Variants in FGF14 observed in about 807,000 individuals in gnomAD.
FGF14 encodes fibroblast growth factor 14, also known as fibroblast growth factor homologous factor 4.
In FGF14, 5 loss-of-function variants were observed where a neutral mutation model predicts 25.5. The observed-to-expected ratio is 0.20, with a 90% CI of 0.10 to 0.41. The LOEUF is 0.41. Ranked by LOEUF, FGF14 falls within the 10% of genes least tolerant of loss-of-function variation. FGF14 has a pLI of 1.00. For missense variants in FGF14, 222 were observed against 320.1 expected (o/e 0.69, Z 2.34); for synonymous variants, 138 against 118.3 (o/e 1.17, Z -1.08).
intron 1 of FGF14, among the ~76,000 whole-genome samples, chr13:102,248,326 G>A (rs1175221715): frequency 6.6e-6 from 1 of 152,062 alleles, no homozygotes; most frequent in Non-Finnish European, 1.5e-5. Flanking sequence ...AGAAAATATT[G>A]TCCCTTTCTT....
At chr13:102,304,246 G>T (rs2055243381) in intron 1 of FGF14, among the ~76,000 whole-genome samples, 1 of 151,980 alleles carries the variant, frequency 6.6e-6, no homozygotes, top group Non-Finnish European at 1.5e-5. Flanking sequence ...CGAACTTCTT[G>T]CTTAAAGGAA....
intron 1 of FGF14, among the ~76,000 whole-genome samples, chr13:102,338,720 AAAT>A (rs1210348541): frequency 6.6e-6 from 1 of 152,148 alleles, no homozygotes; most frequent in Non-Finnish European, 1.5e-5. Flanking sequence ...AATAACAAAA[AAAT>A]AAGAAAAGGG....
intron 3 of FGF14, among the ~76,000 whole-genome samples, chr13:101,748,039 T>C (rs1192105725): frequency 6.6e-6 from 1 of 151,904 alleles, no homozygotes; most frequent in African/African-American, 2.4e-5. Flanking sequence ...TAGTACAGTA[T>C]TTATGGAAAA....
At chr13:102,337,848 C>G (rs1465270406) in intron 1 of FGF14, among the ~76,000 whole-genome samples, 3 of 151,960 alleles carry the variant, frequency 2.0e-5, no homozygotes, top group Non-Finnish European at 2.9e-5. Flanking sequence ...TTTTTTTTAA[C>G]TAATAAAGTA....
At chr13:102,096,001 GTA>G (rs60775005) in intron 1 of FGF14, among the ~76,000 whole-genome samples, 4,963 of 135,012 alleles carry the variant, frequency 0.037, 96 homozygotes, top group South Asian at 0.052. Context: ...GTGTGTGTGT[GTA>G]TATATATATA....
intron 1 of FGF14, among the ~76,000 whole-genome samples, chr13:102,108,083 T>C (rs1201026534): frequency 6.6e-6 from 1 of 152,218 alleles, no homozygotes; most frequent in East Asian, 1.9e-4. Flanking sequence ...TAATAACTTA[T>C]GAAATAGTCA....
chr13:102,259,469 T>G (rs2052610454), intron 1 of FGF14, among the ~76,000 whole-genome samples: 1 of 152,334 alleles, frequency 6.6e-6, no homozygotes, highest in South Asian at 2.1e-4. Flanking sequence ...GCAACCTTGG[T>G]TCTCCAGTCC....
rs71125054 is a variant in FGF14, at chr13:102,188,946, GAGAAAGAAAGAAAGAAAGAA to G, written c.208+212505_208+212524del. Among the ~76,000 whole-genome samples the G allele has an allele frequency of 1.4e-3, 125 of 90,906 alleles. 2 individuals are homozygous for G. In the South Asian group the frequency reaches 0.017, roughly 12 times the overall value. 59.6% of individuals were successfully genotyped at this position (90,906 alleles called of 152,430 possible). A position where few individuals can be genotyped will look rare whatever the true frequency, so the allele number is the denominator to read the frequency against. Reference sequence around the variant, plus strand: ...ACAGAGTGAGAAAAAAAAGAAAGGAGAGAAAGAAAGAAAGAAAGAAAGAAAGAAAGAAAGAAAGAAAGAAA... The same window carrying G: ...ACAGAGTGAGAAAAAAAAGAAAGGAGAGAAAGAAAGAAAGAAAGAAAGAAA... On this transcript the variant is annotated intron_variant, in intron 1 of 4. Coordinates refer to the FGF14 transcript ENST00000376131.
At position 102,372,797 on chromosome 13, in the gene FGF14, G is replaced by A. The variant is rs568015405; in HGVS notation, c.208+28674C>T. 1.2e-4 allele frequency among the ~76,000 whole-genome samples: 19 copies of A among 152,210 alleles called. No homozygotes were observed. In the East Asian group the frequency reaches 3.7e-3, roughly 29 times the overall value. ...TGCCCAGCAATGCTGGTATTCCAAT[G>A]TATCACAAAATTTAAGTCCACGAGC... On this transcript the variant is annotated intron_variant, in intron 1 of 4. Transcript: ENST00000376131.
chr13:101,964,052 A>G (rs2037033752), intron 1 of FGF14, among the ~76,000 whole-genome samples: 1 of 152,260 alleles, frequency 6.6e-6, no homozygotes, highest in Admixed American at 6.5e-5. Context: ...GGAATTTATC[A>G]TGAAACATGA....
intron 1 of FGF14, among the ~76,000 whole-genome samples, chr13:102,346,759 A>G (rs2057119075): frequency 6.6e-6 from 1 of 152,132 alleles, no homozygotes; most frequent in African/African-American, 2.4e-5. Context: ...ATTATTTTTC[A>G]TCTGAATTTT....
At chr13:102,363,149 CAAAG>C (rs1207361565) in intron 1 of FGF14, among the ~76,000 whole-genome samples, 1 of 152,032 alleles carries the variant, frequency 6.6e-6, no homozygotes, top group Non-Finnish European at 1.5e-5. Context: ...GTTTAAGTAA[CAAAG>C]AAATCGAAAT....
chr13:102,320,854 C>T (rs935937517), intron 1 of FGF14, among the ~76,000 whole-genome samples: 1 of 152,080 alleles, frequency 6.6e-6, no homozygotes, highest in Non-Finnish European at 1.5e-5. Context: ...AGGAGCAATA[C>T]CTCATTTCCT....
At chr13:102,261,167 C>T (rs1317997429) in intron 1 of FGF14, among the ~76,000 whole-genome samples, 1 of 152,158 alleles carries the variant, frequency 6.6e-6, no homozygotes, top group Non-Finnish European at 1.5e-5. Context: ...ATAAGATCCA[C>T]TTGGACTGAA....
intron 1 of FGF14, among the ~76,000 whole-genome samples, chr13:102,285,597 C>T (rs2054056636): frequency 6.6e-6 from 1 of 152,162 alleles, no homozygotes; most frequent in Non-Finnish European, 1.5e-5. Flanking sequence ...GATTTTTCTT[C>T]ACAAACTCTC....
chr13:102,173,657 A>C (rs1333370828), intron 1 of FGF14, among the ~76,000 whole-genome samples: 1 of 152,200 alleles, frequency 6.6e-6, no homozygotes. Context: ...GAAAGAATGA[A>C]ATTCTGTCAT....
At chr13:102,345,441 G>A (rs2057077033) in intron 1 of FGF14, among the ~76,000 whole-genome samples, 1 of 152,074 alleles carries the variant, frequency 6.6e-6, no homozygotes, top group Admixed American at 6.6e-5. Flanking sequence ...AACAAATAAA[G>A]CAAATAAAAA....
chr13:102,194,499 T>G (rs1307959965), intron 1 of FGF14, among the ~76,000 whole-genome samples: 1 of 152,138 alleles, frequency 6.6e-6, no homozygotes, highest in Non-Finnish European at 1.5e-5. Flanking sequence ...GAAATTTTAC[T>G]TGGCAGAATA....
At chr13:101,728,960 T>A (rs1180598111) in intron 3 of FGF14, among the ~76,000 whole-genome samples, 1 of 152,024 alleles carries the variant, frequency 6.6e-6, no homozygotes, top group Non-Finnish European at 1.5e-5. Context: ...ATGTATTGTC[T>A]CCATTATGAA....
Sources: gnomAD v4.1 joint callset for allele counts (sites outside exome capture counted in the v4.1 genomes callset) on GRCh38, gnomAD v4.1.1 for gene constraint, MANE v1.5 for transcripts, NCBI Gene and HGNC (gene_info 2026-07-23, HGNC 2026-07-21) for gene names.